Variants in RSF1 observed in about 807,000 individuals in gnomAD.
RSF1 encodes the protein remodeling and spacing factor 1.
Under a neutral mutation model 145.2 loss-of-function variants are expected in RSF1, and 13 were observed. The observed-to-expected ratio is 0.09, with a 90% CI of 0.06 to 0.14. The LOEUF (loss-of-function observed/expected upper bound fraction) is 0.14. RSF1 is among the 10% of genes least tolerant of loss of function. The probability of loss-of-function intolerance (pLI) is 1.00; values close to 1 mark genes in which losing one functional copy is unlikely to be tolerated. For synonymous variants in RSF1, 577 were observed against 592.6 expected (o/e 0.97, Z 0.38); for missense variants, 1,517 against 1,718.2 (o/e 0.88, Z 2.07).
chr11:77,688,222 G>A (rs1047632671), intron 9 of RSF1, among the ~76,000 whole-genome samples: 1 of 152,190 alleles, frequency 6.6e-6, no homozygotes, highest in Non-Finnish European at 1.5e-5. Flanking sequence ...AACCCAGGAG[G>A]CAGAGGTTGC....
At chr11:77,821,977 A>C (rs1236253193), upstream of RSF1, among the ~76,000 whole-genome samples, 2 of 152,298 alleles carry the variant, frequency 1.3e-5, no homozygotes, top group Non-Finnish European at 2.9e-5. Flanking sequence ...AATCACAGTA[A>C]AGTGATTAGC....
At chr11:77,724,893 TAC>T (rs1961017165) in intron 5 of RSF1, among the ~76,000 whole-genome samples, 1 of 152,320 alleles carries the variant, frequency 6.6e-6, no homozygotes, top group African/African-American at 2.4e-5. Context: ...CCTAACAGGT[TAC>T]AGACTGGTAC....
rs151206230 is a variant in RSF1 at position 77,701,134 on chromosome 11, C to G, written c.2095G>C (p.Gly699Arg). 339 of 1,613,828 alleles carry G rather than the reference C, an allele frequency of 2.1e-4. 3 individuals are homozygous for G. In the East Asian group the frequency reaches 5.1e-3, roughly 24 times the overall value. ...SGIEEPSETK[G>R]SMQKSKFKYK... Reference sequence around the variant, plus strand: ...TTGAATTTGCTTTTTTGCATAGAACCCTTTGTCTCAGAAGGCTCCTCTATG... The same window carrying G: ...TTGAATTTGCTTTTTTGCATAGAACGCTTTGTCTCAGAAGGCTCCTCTATG... Residue 699 changes from glycine (G) to arginine (R), a missense_variant, in exon 6 of 16, where the codon GGT becomes CGT. Around this residue, in one of 12 missense-constraint regions of RSF1, gnomAD observed 579 missense variants for 553.5 expected, o/e 1.05. Coordinates refer to ENST00000308488, the MANE Select transcript of RSF1 (RefSeq NM_016578.4).
chr11:77,680,711 G>A (rs1011336810), intron 11 of RSF1, among the ~76,000 whole-genome samples: 40 of 152,194 alleles, frequency 2.6e-4, no homozygotes, highest in African/African-American at 9.2e-4. Context: ...CCTTACAGAT[G>A]TATCATATTT....
chr11:77,816,701 T>C (rs1171735920), intron 1 of RSF1, among the ~76,000 whole-genome samples: 2 of 152,234 alleles, frequency 1.3e-5, no homozygotes, highest in African/African-American at 4.8e-5. Flanking sequence ...AGAGGAAAGA[T>C]ACTTAGGAGC....
chr11:77,816,211 G>A (rs1948780283), intron 1 of RSF1, among the ~76,000 whole-genome samples: 1 of 152,206 alleles, frequency 6.6e-6, no homozygotes, highest in Non-Finnish European at 1.5e-5. Context: ...ATGTATGTAT[G>A]CCCTACCAGT....
chr11:77,734,971 GC>G (rs1371439566), intron 4 of RSF1: 10 of 1,596,724 alleles, frequency 6.3e-6, no homozygotes, highest in Non-Finnish European at 8.5e-6. Context: ...GTTGATGGCG[GC>G]CTCTGAGTCC....
chr11:77,755,177 TATG>T (rs1461943702), intron 2 of RSF1, among the ~76,000 whole-genome samples: 6 of 152,164 alleles, frequency 3.9e-5, no homozygotes, highest in Non-Finnish European at 7.3e-5. Context: ...TCATGGCTGC[TATG>T]TAGAAAATGG....
At chr11:77,684,884 G>C (rs1959962467) in intron 10 of RSF1, among the ~76,000 whole-genome samples, 1 of 152,096 alleles carries the variant, frequency 6.6e-6, no homozygotes, top group Non-Finnish European at 1.5e-5. Flanking sequence ...CTACTCAGGA[G>C]GCTGAGGCAG....
At chr11:77,805,440 CA>C (rs893342261) in intron 1 of RSF1, among the ~76,000 whole-genome samples, 2 of 147,834 alleles carry the variant, frequency 1.4e-5, no homozygotes, top group African/African-American at 5.0e-5. Flanking sequence ...GACTCCATCT[CA>C]AAAAAAGAAA....
intron 5 of RSF1, among the ~76,000 whole-genome samples, chr11:77,708,080 G>A (rs1448026944): frequency 6.6e-6 from 1 of 152,180 alleles, no homozygotes; most frequent in African/African-American, 2.4e-5. Flanking sequence ...AACCCAGTGT[G>A]TTTAATGCAG....
chr11:77,753,410 CT>C (rs1461976175), intron 2 of RSF1, among the ~76,000 whole-genome samples: 1 of 152,130 alleles, frequency 6.6e-6, no homozygotes, highest in Non-Finnish European at 1.5e-5. Context: ...GACAATGGCC[CT>C]TCCCCAAAAC....
At chr11:77,675,290 A>AT in intron 13 of RSF1, 34 bp from the exon 14 acceptor site, 1 of 1,554,866 alleles carries the variant, frequency 6.4e-7, no homozygotes, top group Non-Finnish European at 8.7e-7. Flanking sequence ...ATACAATGGT[A>AT]TTTAGAAGAG....
chr11:77,820,233 C>T (rs1948845734), intron 1 of RSF1, among the ~76,000 whole-genome samples: 1 of 152,142 alleles, frequency 6.6e-6, no homozygotes, highest in South Asian at 2.1e-4. Context: ...AAGCAGTCCC[C>T]GGGGCTGCCG....
At chr11:77,772,763 T>C (rs1948299781) in intron 1 of RSF1, among the ~76,000 whole-genome samples, 1 of 151,400 alleles carries the variant, frequency 6.6e-6, no homozygotes, top group Non-Finnish European at 1.5e-5. Context: ...TCTTAGAATT[T>C]TGGAACTGGA....
intron 11 of RSF1, among the ~76,000 whole-genome samples, chr11:77,680,652 G>T (rs1959834370): frequency 6.6e-6 from 1 of 152,168 alleles, no homozygotes; most frequent in Non-Finnish European, 1.5e-5. Context: ...ATTTCAGATG[G>T]AGAGCTCTTC....
intron 9 of RSF1, among the ~76,000 whole-genome samples, chr11:77,689,929 CGAGGCGGGT>C (rs1960105993): frequency 1.3e-5 from 2 of 152,026 alleles, no homozygotes; most frequent in Non-Finnish European, 2.9e-5. Context: ...TTTGGAAGGC[CGAGGCGGGT>C]GAATCACAAG....
intron 15 of RSF1, among the ~76,000 whole-genome samples, chr11:77,671,138 AATATAT>A (rs1225103987): frequency 0.076 from 1,648 of 21,702 alleles, 71 homozygotes; most frequent in Non-Finnish European, 0.093. Context: ...AAAAAAAAAA[AATATAT>A]ATATATATAT....
At chr11:77,693,430 T>C in intron 8 of RSF1, 77 bp downstream of exon 8, 1 of 857,230 alleles carries the variant, frequency 1.2e-6, no homozygotes, top group Non-Finnish European at 1.9e-6. Context: ...TTAAAAATAT[T>C]CATTCAGTAG....
Sources: gnomAD v4.1 joint callset for allele counts (sites outside exome capture counted in the v4.1 genomes callset) on GRCh38, gnomAD v4.1.1 for gene constraint, gnomAD v4.1.1 regional missense constraint, MANE v1.5 for transcripts, NCBI Gene and HGNC (gene_info 2026-07-23, HGNC 2026-07-21) for gene names.